DYM: variants seen among roughly 807,000 people sequenced by gnomAD.
The protein encoded by DYM is dyggve-Melchior-Clausen syndrome protein.
A neutral mutation model predicts 93.1 loss-of-function variants in DYM; 78 were observed. The ratio of observed to expected loss-of-function variants is 0.84; its 90% CI spans 0.70 to 1.01. DYM has a LOEUF of 1.01. DYM is among the 50% of genes least tolerant of loss of function. The pLI, the probability that DYM is intolerant of heterozygous loss-of-function variation, is 0.00. For missense variants in DYM, 789 were observed against 845.0 expected (o/e 0.93, Z 0.82); for synonymous variants, 321 against 319.7 (o/e 1.00, Z -0.04).
At chr18:49,400,222 T>C (rs946797224) in intron 2 of DYM, among the ~76,000 whole-genome samples, 2 of 152,182 alleles carry the variant, frequency 1.3e-5, no homozygotes, top group Non-Finnish European at 2.9e-5. Context: ...ATTACAGGTG[T>C]GAGCCATAGC....
At chr18:49,219,666 T>A (rs2093257994) in intron 13 of DYM, among the ~76,000 whole-genome samples, 2 of 152,234 alleles carry the variant, frequency 1.3e-5, no homozygotes, top group East Asian at 3.9e-4. Flanking sequence ...CACATGATTA[T>A]CTCAATAGAT....
rs539595538 is a variant in DYM, at chr18:49,337,984, A to G, written c.495-4131T>C. ...AAAGAAGGTGGGGGAAAGGGGTGGG[A>G]GCAAAGGGACTCGAACTGGGAGTTG... On this transcript the variant is annotated intron_variant, in intron 6 of 17. Transcript: ENST00000675505. 2.6e-5 allele frequency among the ~76,000 whole-genome samples: 4 copies of G among 152,336 alleles called. No homozygotes were observed. The East Asian group carries it at 7.7e-4, about 29-fold the overall frequency.
intron 11 of DYM, among the ~76,000 whole-genome samples, chr18:49,264,391 A>G (rs2094537586): frequency 6.6e-6 from 1 of 152,148 alleles, no homozygotes; most frequent in Non-Finnish European, 1.5e-5. Context: ...ATTCCTCTCT[A>G]AAGTGGTTCT....
intron 16 of DYM, among the ~76,000 whole-genome samples, chr18:49,106,057 G>T (rs1313326024): frequency 6.6e-6 from 1 of 152,164 alleles, no homozygotes; most frequent in East Asian, 1.9e-4. Context: ...CTCTTTGTAG[G>T]TCTCTAAGGA....
chr18:49,398,968 T>C (rs2070449043), intron 2 of DYM, among the ~76,000 whole-genome samples: 1 of 152,222 alleles, frequency 6.6e-6, no homozygotes, highest in Non-Finnish European at 1.5e-5. Context: ...CTTCAGTCAA[T>C]GGCACTCTCT....
intron 16 of DYM, among the ~76,000 whole-genome samples, chr18:49,117,684 T>G (rs189101297): frequency 2.6e-4 from 39 of 152,314 alleles, no homozygotes; most frequent in African/African-American, 8.9e-4. Context: ...ACAGATCAAG[T>G]AACATTCTCA....
At chr18:49,104,529 G>A (rs1031760440) in intron 16 of DYM, among the ~76,000 whole-genome samples, 1 of 152,196 alleles carries the variant, frequency 6.6e-6, no homozygotes, top group Non-Finnish European at 1.5e-5. Flanking sequence ...TGCCCATTCA[G>A]TATGATACTG....
rs1443778092 is a variant in DYM at position 49,402,088 on chromosome 18, C to T, written c.141-10443G>A. ...CTATAGAGGAAGCTCTTAAACATTA[C>T]CATTGCCACTTCTGGGCCATATTCT... is the stretch of plus-strand genomic sequence containing the variant. On this transcript the variant is annotated intron_variant, in intron 2 of 17. Coordinates refer to ENST00000675505, the MANE Select transcript of DYM (RefSeq NM_001353214.3). Among the ~76,000 whole-genome samples, 3 of 151,814 alleles carry T rather than the reference C, an allele frequency of 2.0e-5. No homozygotes were observed. The South Asian group carries it at 6.2e-4, about 32-fold the overall frequency.
chr18:49,217,252 T>C (rs1442098073), intron 13 of DYM, among the ~76,000 whole-genome samples: 5 of 152,190 alleles, frequency 3.3e-5, no homozygotes, highest in African/African-American at 9.7e-5. Context: ...TATGGGACTA[T>C]GTGAAAAGAC....
At chr18:49,096,695 T>G (rs1287265037) in intron 17 of DYM, among the ~76,000 whole-genome samples, 2 of 152,214 alleles carry the variant, frequency 1.3e-5, no homozygotes, top group African/African-American at 2.4e-5. Flanking sequence ...AGTTTTATAT[T>G]GTGAGACTGC....
intron 16 of DYM, among the ~76,000 whole-genome samples, chr18:49,106,666 G>A (rs1362403450): frequency 6.6e-6 from 1 of 152,152 alleles, no homozygotes; most frequent in Non-Finnish European, 1.5e-5. Flanking sequence ...CACTTACGAA[G>A]CTTAGTTTGG....
chr18:49,127,589 T>C (rs2082941125), intron 15 of DYM, among the ~76,000 whole-genome samples: 1 of 152,214 alleles, frequency 6.6e-6, no homozygotes, highest in Non-Finnish European at 1.5e-5. Context: ...AATGGGATTT[T>C]GCCAAAAGTG....
At chr18:49,083,594 G>A (rs2078241626) in intron 17 of DYM, among the ~76,000 whole-genome samples, 1 of 151,994 alleles carries the variant, frequency 6.6e-6, no homozygotes, top group South Asian at 2.1e-4. Flanking sequence ...TTATTTCTTT[G>A]CAAAAACTAT....
intron 10 of DYM, among the ~76,000 whole-genome samples, chr18:49,277,674 T>G (rs2094878584): frequency 6.6e-6 from 1 of 152,196 alleles, no homozygotes; most frequent in South Asian, 2.1e-4. Flanking sequence ...AGTATATGAC[T>G]ATTGACAAAC....
intron 15 of DYM, among the ~76,000 whole-genome samples, chr18:49,144,688 A>G (rs1307116724): frequency 6.6e-6 from 1 of 152,186 alleles, no homozygotes; most frequent in East Asian, 1.9e-4. Flanking sequence ...TATAAATATT[A>G]AAACAACAAA....
intron 13 of DYM, among the ~76,000 whole-genome samples, chr18:49,219,002 C>T (rs1011771875): frequency 3.9e-5 from 6 of 152,134 alleles, no homozygotes; most frequent in Non-Finnish European, 4.4e-5. Flanking sequence ...AATTGATAGA[C>T]CGCTAGCAAG....
Position 49,312,997 on chromosome 18 carries a change from T to C in DYM, c.763+18867A>G, listed in dbSNP as rs72642452. On this transcript the variant is annotated intron_variant, in intron 8 of 17. Transcript: ENST00000675505. ...GTTATGTACATGCACTTGTAATTAATCCTTGAAGCTATCAGAAGCATTTAA... is the reference window on the plus strand; with the variant it reads ...GTTATGTACATGCACTTGTAATTAACCCTTGAAGCTATCAGAAGCATTTAA... Among the ~76,000 whole-genome samples the C allele has an allele frequency of 3.5e-3, 536 of 152,274 alleles. 26 individuals carry two copies. In the East Asian group the frequency reaches 0.087, roughly 25 times the overall value.
intron 17 of DYM, among the ~76,000 whole-genome samples, chr18:49,085,544 A>G (rs2078433379): frequency 6.6e-6 from 1 of 151,870 alleles, no homozygotes; most frequent in South Asian, 2.1e-4. Flanking sequence ...ATACTGGTCC[A>G]ACATTTGGAC....
intron 15 of DYM, among the ~76,000 whole-genome samples, chr18:49,125,471 A>G (rs946327230): frequency 8.5e-5 from 13 of 152,172 alleles, no homozygotes; most frequent in African/African-American, 2.9e-4. Flanking sequence ...AGTGACATAA[A>G]TACTCTCTTT....
Sources: allele counts gnomAD v4.1 joint callset (sites outside exome capture counted in the v4.1 genomes callset), GRCh38; gene constraint gnomAD v4.1.1; transcripts MANE v1.5; gene names NCBI Gene and HGNC (gene_info 2026-07-23, HGNC 2026-07-21).